Variants in RB1CC1 observed in about 807,000 individuals in gnomAD.
RB1CC1 encodes the protein RB1 inducible coiled-coil 1.
A neutral mutation model predicts 177.5 loss-of-function variants in RB1CC1; 46 were observed. The ratio of observed to expected loss-of-function variants is 0.26; its 90% CI spans 0.20 to 0.33. The LOEUF is 0.33. Among genes scored for constraint, RB1CC1 ranks in the 10% least tolerant of loss-of-function variants. RB1CC1 has a pLI of 1.00. For synonymous variants in RB1CC1, 666 were observed against 613.6 expected (o/e 1.09, Z -1.26); for missense variants, 1,703 against 1,816.3 (o/e 0.94, Z 1.13).
chr8:52,691,714 T>C (rs180749746), intron 1 of RB1CC1, among the ~76,000 whole-genome samples: 92 of 152,310 alleles, frequency 6.0e-4, no homozygotes, highest in African/African-American at 2.0e-3. Context: ...ATTTTCACTC[T>C]CTACATCCTC....
At chr8:52,690,938 G>T (rs1313456888) in intron 1 of RB1CC1, among the ~76,000 whole-genome samples, 1 of 152,096 alleles carries the variant, frequency 6.6e-6, no homozygotes, top group Non-Finnish European at 1.5e-5. Flanking sequence ...AAATACTTCA[G>T]AATGTCTTAC....
chr8:52,672,555 C>A (rs1481172176), intron 7 of RB1CC1, among the ~76,000 whole-genome samples: 1 of 152,022 alleles, frequency 6.6e-6, no homozygotes, highest in East Asian at 1.9e-4. Context: ...CCAGGCTAAG[C>A]AACATAGGAA....
chr8:52,690,469 A>G (rs1182427608), intron 1 of RB1CC1, among the ~76,000 whole-genome samples: 1 of 152,228 alleles, frequency 6.6e-6, no homozygotes, highest in Non-Finnish European at 1.5e-5. Context: ...TATAAGCTGT[A>G]ATCAACGCAC....
intron 7 of RB1CC1, among the ~76,000 whole-genome samples, chr8:52,671,894 A>G (rs1318359943): frequency 1.3e-5 from 2 of 152,190 alleles, no homozygotes; most frequent in Non-Finnish European, 2.9e-5. Context: ...ATATACAACT[A>G]ATGAGTACTA....
chr8:52,671,190 C>T (rs1419846705), intron 7 of RB1CC1, among the ~76,000 whole-genome samples: 2 of 152,148 alleles, frequency 1.3e-5, no homozygotes, highest in Non-Finnish European at 2.9e-5. Context: ...TGAGCCCCTG[C>T]TATTCCAATT....
rs140828057 is a variant in RB1CC1 at position 52,656,932 on chromosome 8, T to C, written c.2897A>G (p.His966Arg). 1 of 1,613,200 alleles carries C rather than the reference T, an allele frequency of 6.2e-7. No homozygotes were observed. The highest frequency in any genetic ancestry group is 1.7e-5 in the Admixed American group (1 of 59,944). The change falls in exon 15 of 24, where the codon CAT (histidine) becomes CGT (arginine). Residue 966 changes from histidine to arginine, a missense_variant. His to Arg is a conservative substitution (Grantham distance 29). Around this residue, in one of 6 missense-constraint regions of RB1CC1, gnomAD observed 1,169 missense variants for 1,184.7 expected, o/e 0.99. Transcript: ENST00000025008. ...CTGTAACTTCTCATCATTTTCAACA[T>C]GGAGCTTTTTTAAGTCTTCTAACAC... The part of the protein sequence containing the change: ...EIVLEDLKKL[H>R]VENDEKLQLL...
In RB1CC1 at chr8:52,628,036, C is replaced by T. The variant is rs1168904604; in HGVS notation, c.4632G>A (p.Glu1544=). 3 of 1,590,658 alleles carry T rather than the reference C, an allele frequency of 1.9e-6. No individual in the cohort carries two copies. Among genetic ancestry groups the T allele is most frequent in the Non-Finnish European group, 2.6e-6 (3 of 1,170,474 alleles). ...TAGTCATGGAATGACACTTACCACCCTCACCTGGTTTGAGATCCAGGGCAG... is the reference window on the plus strand; with the variant it reads ...TAGTCATGGAATGACACTTACCACCTTCACCTGGTTTGAGATCCAGGGCAG... ...SLPALDLKPG[E]GASGASRRPW... Residue 1544 remains glutamate, a synonymous_variant, in exon 22 of 24, where the codon GAG becomes GAA. Transcript: ENST00000025008.
At chr8:52,628,001 G>T (rs751875965) in intron 22 of RB1CC1, 31 bp downstream of exon 22, 38 of 1,521,588 alleles carry the variant, frequency 2.5e-5, no homozygotes, top group Non-Finnish European at 3.1e-5. Context: ...TCCATTCCAG[G>T]TTTATATTTT....
At chr8:52,701,141 A>G (rs1478687084) in intron 1 of RB1CC1, among the ~76,000 whole-genome samples, 1 of 148,202 alleles carries the variant, frequency 6.7e-6, no homozygotes, top group Non-Finnish European at 1.5e-5. Flanking sequence ...TTTTTTTTTG[A>G]GATGGAATTT....
At chr8:52,638,072 T>C (rs777580679) in intron 18 of RB1CC1, among the ~76,000 whole-genome samples, 11 of 152,204 alleles carry the variant, frequency 7.2e-5, no homozygotes, top group Admixed American at 2.6e-4. Context: ...ATCTTGATTT[T>C]AGGGGAAAAG....
chr8:52,696,829 C>T (rs576552811), intron 1 of RB1CC1, among the ~76,000 whole-genome samples: 7 of 152,110 alleles, frequency 4.6e-5, no homozygotes, highest in African/African-American at 1.4e-4. Context: ...ATGGCAAAAC[C>T]CTGTCTCTAC....
intron 15 of RB1CC1, among the ~76,000 whole-genome samples, chr8:52,655,369 A>C (rs536249257): frequency 3.3e-5 from 5 of 152,308 alleles, no homozygotes; most frequent in African/African-American, 1.2e-4. Context: ...CACAAAACCC[A>C]ATTAAACCCA....
At chr8:52,636,525 A>G (rs1849154740) in intron 18 of RB1CC1, among the ~76,000 whole-genome samples, 1 of 152,226 alleles carries the variant, frequency 6.6e-6, no homozygotes, top group Admixed American at 6.5e-5. Flanking sequence ...AAAATGCTAT[A>G]AAATTAGAAA....
chr8:52,668,769 T>C (rs1019529600), intron 7 of RB1CC1, among the ~76,000 whole-genome samples: 24 of 152,322 alleles, frequency 1.6e-4, no homozygotes, highest in African/African-American at 5.8e-4. Flanking sequence ...CCTGGCAGCC[T>C]TTCTGTCTGC....
intron 8 of RB1CC1, among the ~76,000 whole-genome samples, chr8:52,666,758 G>C (rs529292975): frequency 6.6e-5 from 10 of 152,138 alleles, no homozygotes; most frequent in Admixed American, 3.9e-4. Flanking sequence ...CAAGTGGTTA[G>C]CTACAGTTAG....
At position 52,658,260 on chromosome 8, in the gene RB1CC1, A is replaced by T. The variant is rs572219681; in HGVS notation, c.1794-136T>A. On this transcript the variant is annotated intron_variant, in intron 13 of 23. Transcript: ENST00000025008. ...TTAAATTAATACCAGAAGTATTTTA[A>T]GAAGTTTGTGTCATAATCAGTAAAG... 7.8e-5 allele frequency: 84 copies of T among 1,078,324 alleles called. No individual in the cohort carries two copies. In the African/African-American group the frequency reaches 1.3e-3, roughly 16 times the overall value. 66.8% of individuals were successfully genotyped at this position (1,078,324 alleles called of 1,614,324 possible).
intron 21 of RB1CC1, among the ~76,000 whole-genome samples, chr8:52,628,886 G>A (rs35085480): frequency 0.085 from 12,886 of 152,230 alleles, 750 homozygotes; most frequent in South Asian, 0.25. Flanking sequence ...ATCAGCTGGG[G>A]AAACTTTTAA....
At chr8:52,693,696 T>C (rs1039914873) in intron 1 of RB1CC1, among the ~76,000 whole-genome samples, 1 of 152,114 alleles carries the variant, frequency 6.6e-6, no homozygotes, top group African/African-American at 2.4e-5. Flanking sequence ...AAATACCATT[T>C]AACCCAGCAA....
chr8:52,659,439 A>C (rs934926750), intron 12 of RB1CC1, among the ~76,000 whole-genome samples: 2 of 152,096 alleles, frequency 1.3e-5, no homozygotes, highest in African/African-American at 4.8e-5. Context: ...CCAGAAGACA[A>C]AGTTTTGGTC....
Sources: gnomAD v4.1 joint callset for allele counts (sites outside exome capture counted in the v4.1 genomes callset) on GRCh38, gnomAD v4.1.1 for gene constraint, gnomAD v4.1.1 regional missense constraint, MANE v1.5 for transcripts, NCBI Gene and HGNC (gene_info 2026-07-23, HGNC 2026-07-21) for gene names.